CCDC57: variants seen among roughly 807,000 people sequenced by gnomAD.
CCDC57 encodes the protein coiled-coil domain-containing protein 57.
In CCDC57, 118 loss-of-function variants were observed where a neutral mutation model predicts 118.9. The observed-to-expected ratio is 0.99, with a 90% CI of 0.86 to 1.16. The LOEUF is 1.16. Ranked by LOEUF, CCDC57 falls within the 50% of genes most tolerant of loss-of-function variation. CCDC57 has a pLI of 0.00. For synonymous variants in CCDC57, 527 were observed against 532.9 expected (o/e 0.99, Z 0.15); for missense variants, 1,300 against 1,320.7 (o/e 0.98, Z 0.24).
Position 82,165,879 on chromosome 17 carries a change from C to T in CCDC57, c.1883-2522G>A, listed in dbSNP as rs138422169. Reference sequence around the variant, plus strand: ...ACATTCAAACCTCAGCCCACCAGAGCGGGCCAGGATGCGCAGTGTGAACCC... The same window carrying T: ...ACATTCAAACCTCAGCCCACCAGAGTGGGCCAGGATGCGCAGTGTGAACCC... On this transcript the variant is annotated intron_variant, in intron 13 of 19. Transcript: ENST00000665763. Among the ~76,000 whole-genome samples the T allele has an allele frequency of 7.5e-3, 1,140 of 152,212 alleles. 15 individuals carry two copies. Among genetic ancestry groups the T allele is most frequent in the African/African-American group, 0.025 (1,040 of 41,524 alleles).
At chr17:82,182,622 G>A (rs2046346872) in intron 9 of CCDC57, among the ~76,000 whole-genome samples, 1 of 151,412 alleles carries the variant, frequency 6.6e-6, no homozygotes. Flanking sequence ...CCAAAGTGCT[G>A]GGATTATAGA....
intron 5 of CCDC57, chr17:82,194,392 C>A: frequency 2.9e-6 from 1 of 345,732 alleles, no homozygotes; most frequent in Non-Finnish European, 5.3e-6. Flanking sequence ...CTCACTGCAA[C>A]CTCCCCCTCC....
intron 17 of CCDC57, among the ~76,000 whole-genome samples, chr17:82,133,298 T>G (rs2038679552): frequency 6.6e-6 from 1 of 151,078 alleles, no homozygotes; most frequent in African/African-American, 2.5e-5. Flanking sequence ...CACTTGAGCC[T>G]AGGAAGCCGA....
chr17:82,194,139 C>T (rs780122352), exon 6 of CCDC57: 2 of 1,610,072 alleles, frequency 1.2e-6, no homozygotes, highest in South Asian at 2.2e-5. Flanking sequence ...AGTAGTTTAA[C>T]CTTTGAATGA....
At chr17:82,185,993 G>A (rs953332059) in intron 8 of CCDC57, among the ~76,000 whole-genome samples, 4 of 151,994 alleles carry the variant, frequency 2.6e-5, no homozygotes, top group Non-Finnish European at 5.9e-5. Flanking sequence ...GAGCACCACC[G>A]TACCTGTCTA....
At chr17:82,171,619 A>G (rs2044748744) in intron 13 of CCDC57, 82 bp downstream of exon 12, 2 of 1,468,146 alleles carry the variant, frequency 1.4e-6, no homozygotes, top group African/African-American at 2.8e-5. Context: ...TGAGCTGTAT[A>G]TTTGCTATGA....
chr17:82,162,656 CA>C (rs1351684591), intron 14 of CCDC57, among the ~76,000 whole-genome samples: 24 of 11,110 alleles, frequency 2.2e-3, no homozygotes, highest in South Asian at 3.3e-3. Flanking sequence ...GGGCAGCCCG[CA>C]CACACGCCCC....
intron 18 of CCDC57, 128 bp downstream of exon 17, chr17:82,128,365 C>T (rs1052683174): frequency 3.2e-5 from 21 of 665,160 alleles, no homozygotes; most frequent in Non-Finnish European, 5.1e-5. Context: ...TGAGCAGTCC[C>T]TGATGACGGC....
At chr17:82,181,139 G>A (rs1285598293) in intron 9 of CCDC57, among the ~76,000 whole-genome samples, 4 of 152,252 alleles carry the variant, frequency 2.6e-5, no homozygotes, top group African/African-American at 9.7e-5. Flanking sequence ...GGGGCAGAGA[G>A]GAGGGGAACC....
At chr17:82,131,987 G>A (rs1346506482) in intron 17 of CCDC57, among the ~76,000 whole-genome samples, 9 of 151,540 alleles carry the variant, frequency 5.9e-5, no homozygotes, top group East Asian at 1.9e-4. Context: ...GCATGCTGGC[G>A]GGCGCCTGTA....
chr17:82,151,520 G>A (rs917689959), intron 16 of CCDC57, 40 bp downstream of exon 15: 1 of 1,541,500 alleles, frequency 6.5e-7, no homozygotes, highest in East Asian at 2.4e-5. Flanking sequence ...CCCAGAACCT[G>A]ACCCACACTC....
chr17:82,176,564 A>C (rs531676319), intron 11 of CCDC57, among the ~76,000 whole-genome samples: 19 of 152,234 alleles, frequency 1.2e-4, no homozygotes, highest in African/African-American at 4.6e-4. Flanking sequence ...GATTACCAAT[A>C]AACAGTGTGG....
intron 11 of CCDC57, among the ~76,000 whole-genome samples, chr17:82,177,720 G>A (rs1040670826): frequency 2.0e-5 from 3 of 152,170 alleles, no homozygotes; most frequent in African/African-American, 4.8e-5. Flanking sequence ...CGCTTAGTGC[G>A]GGGAGGTGGG....
chr17:82,195,343 A>G lies in CCDC57; in HGVS notation c.538T>C (p.Ser180Pro), dbSNP rs767029936. ...TCGTGCTCCCTCTTCCGCATTTTCG[A>G]TTCAAACTCCAGCAGCAGTTCCTGG... Residue 180 changes from serine (S) to proline (P), a missense_variant, in exon 5 of 20, where the codon TCG becomes CCG. By Grantham distance (74) the Ser-to-Pro change is moderately conservative. Coordinates refer to ENST00000665763, the Ensembl canonical transcript of CCDC57. The G allele has an allele frequency of 1.8e-5, 28 of 1,597,292 alleles. No homozygotes were observed. The highest frequency in any genetic ancestry group is 2.4e-5 in the Non-Finnish European group (28 of 1,172,226).
In CCDC57 at chr17:82,147,548, AATAG is replaced by A. The variant is rs558760266; in HGVS notation, c.2455+4008_2455+4011del. 2.0e-3 allele frequency among the ~76,000 whole-genome samples: 278 copies of A among 135,680 alleles called. 1 individual carries two copies. Among genetic ancestry groups the A allele is most frequent in the African/African-American group, 7.2e-3 (258 of 35,604 alleles). 89.0% of individuals were successfully genotyped at this position (135,680 alleles called of 152,430 possible). On this transcript the variant is annotated intron_variant, in intron 16 of 19. Transcript: ENST00000665763. ...GGGTGGACGGATGGATGGATACATT[AATAG>A]ATGGATGGGTGGGTGGGTGTACGAA...
chr17:82,128,087 G>C (rs2037736513), intron 18 of CCDC57, among the ~76,000 whole-genome samples, 179 bp from the exon 18 acceptor site: 1 of 152,142 alleles, frequency 6.6e-6, no homozygotes, highest in Admixed American at 6.5e-5. Flanking sequence ...CATCCGGGGA[G>C]CGAGTCTCAG....
chr17:82,183,107 T>C (rs2046411430), intron 9 of CCDC57, among the ~76,000 whole-genome samples: 1 of 152,096 alleles, frequency 6.6e-6, no homozygotes, highest in Non-Finnish European at 1.5e-5. Context: ...GGATTACAAT[T>C]TGAGATTAGA....
chr17:82,204,161 C>A (rs529011037), intron 2 of CCDC57, among the ~76,000 whole-genome samples: 4 of 152,112 alleles, frequency 2.6e-5, no homozygotes, highest in Non-Finnish European at 5.9e-5. Context: ...ATGCTTCCTG[C>A]GATGCAACCC....
At chr17:82,206,606 C>T (rs1188190671) in intron 2 of CCDC57, among the ~76,000 whole-genome samples, 3 of 152,164 alleles carry the variant, frequency 2.0e-5, no homozygotes, top group African/African-American at 7.2e-5. Context: ...TCTCCCCTTA[C>T]GCATCTCCTC....
Sources: gnomAD v4.1 joint callset for allele counts (sites outside exome capture counted in the v4.1 genomes callset) on GRCh38, gnomAD v4.1.1 for gene constraint, MANE v1.5 for transcripts, NCBI Gene and HGNC (gene_info 2026-07-23, HGNC 2026-07-21) for gene names.